PRKN: variants seen among roughly 807,000 people sequenced by gnomAD.
PRKN encodes parkin RBR E3 ubiquitin protein ligase, also known as E3 ubiquitin-protein ligase parkin.
Under a neutral mutation model 59.5 loss-of-function variants are expected in PRKN, and 56 were observed. The observed-to-expected ratio is 0.94, with a 90% CI of 0.76 to 1.18. The LOEUF is 1.18. Ranked by LOEUF, PRKN falls within the 50% of genes most tolerant of loss-of-function variation. The pLI, the probability that PRKN is intolerant of heterozygous loss-of-function variation, is 0.00. For synonymous variants in PRKN, 250 were observed against 222.1 expected (o/e 1.13, Z -1.12); for missense variants, 657 against 596.4 (o/e 1.10, Z -1.06).
intron 2 of PRKN, among the ~76,000 whole-genome samples, chr6:162,398,398 T>G (rs1260708711): frequency 4.6e-5 from 7 of 151,242 alleles, no homozygotes; most frequent in African/African-American, 1.7e-4. Flanking sequence ...TCTTTTTGTT[T>G]TTTTTTTTTG....
chr6:162,555,892 G>A (rs372622972), intron 1 of PRKN, among the ~76,000 whole-genome samples: 3 of 149,316 alleles, frequency 2.0e-5, no homozygotes, highest in African/African-American at 4.9e-5. Context: ...TTGGGAAGGC[G>A]AGGCAGGAGA....
intron 4 of PRKN, among the ~76,000 whole-genome samples, chr6:162,182,181 G>C (rs968966813): frequency 6.6e-6 from 1 of 152,098 alleles, no homozygotes; most frequent in Non-Finnish European, 1.5e-5. Context: ...TATTACTGCT[G>C]TACTAGTCCC....
intron 6 of PRKN, among the ~76,000 whole-genome samples, chr6:161,829,700 C>T (rs1466069129): frequency 2.0e-5 from 3 of 151,956 alleles, no homozygotes; most frequent in East Asian, 1.9e-4. Context: ...CAGGATGCCC[C>T]GGAGAGCAAA....
intron 1 of PRKN, among the ~76,000 whole-genome samples, chr6:162,686,834 G>A (rs1777576626): frequency 1.3e-5 from 2 of 152,028 alleles, no homozygotes; most frequent in African/African-American, 4.8e-5. Flanking sequence ...GTAGATATAT[G>A]GCTTTATTTC....
At chr6:162,287,297 G>A (rs1781236622) in intron 2 of PRKN, among the ~76,000 whole-genome samples, 1 of 152,094 alleles carries the variant, frequency 6.6e-6, no homozygotes, top group South Asian at 2.1e-4. Flanking sequence ...CCAGGCATGG[G>A]GGTTCTCGCC....
intron 7 of PRKN, among the ~76,000 whole-genome samples, chr6:161,682,344 T>C (rs1055733810): frequency 1.3e-5 from 2 of 152,220 alleles, no homozygotes; most frequent in Admixed American, 6.5e-5. Flanking sequence ...AATTTGCTGG[T>C]CAGCCAAGAG....
rs6914068 is a variant in PRKN at position 162,522,958 on chromosome 6, C to T, written c.8-79485G>A. Among the ~76,000 whole-genome samples, 1,065 of 152,296 alleles carry T rather than the reference C, an allele frequency of 7.0e-3. 8 individuals are homozygous for T. Among genetic ancestry groups the T allele is most frequent in the African/African-American group, 0.024 (995 of 41,568 alleles). ...ATAACCCCAATCAACTCTTGCTCCT[C>T]AAATTTTCCTTCCTCTTCTATTTTC... On this transcript the variant is annotated intron_variant, in intron 1 of 11. Coordinates refer to ENST00000366898, the MANE Select transcript of PRKN (RefSeq NM_004562.3).
At chr6:161,556,262 A>G (rs1780234367) in intron 8 of PRKN, among the ~76,000 whole-genome samples, 1 of 152,214 alleles carries the variant, frequency 6.6e-6, no homozygotes, top group African/African-American at 2.4e-5. Flanking sequence ...AGGAAGACAA[A>G]TATTTTAACA....
chr6:162,424,871 T>G (rs574168890), intron 2 of PRKN, among the ~76,000 whole-genome samples: 1 of 152,274 alleles, frequency 6.6e-6, no homozygotes, highest in East Asian at 1.9e-4. Context: ...AATTTTGCTG[T>G]GAACCCAGAA....
intron 5 of PRKN, among the ~76,000 whole-genome samples, chr6:162,023,452 C>T (rs899858418): frequency 5.3e-5 from 8 of 152,076 alleles, no homozygotes; most frequent in Non-Finnish European, 8.8e-5. Context: ...TCCCTGGAGT[C>T]GGGCTGCTTC....
chr6:162,161,562 T>C (rs1252430703), intron 4 of PRKN, among the ~76,000 whole-genome samples: 1 of 152,190 alleles, frequency 6.6e-6, no homozygotes, highest in Non-Finnish European at 1.5e-5. Context: ...CTGCCTATGA[T>C]GGGAATCATC....
chr6:162,369,805 C>T (rs1392915692), intron 2 of PRKN, among the ~76,000 whole-genome samples: 1 of 152,132 alleles, frequency 6.6e-6, no homozygotes, highest in Non-Finnish European at 1.5e-5. Flanking sequence ...CCCTACAAAG[C>T]CCGTCTACAT....
intron 9 of PRKN, among the ~76,000 whole-genome samples, chr6:161,418,265 G>A (rs1787945185): frequency 6.6e-6 from 1 of 152,220 alleles, no homozygotes. Context: ...AAGAAGAACA[G>A]GTGTGTCAAG....
intron 6 of PRKN, among the ~76,000 whole-genome samples, chr6:161,903,472 C>T (rs989139445): frequency 1.2e-4 from 18 of 152,176 alleles, no homozygotes; most frequent in Admixed American, 1.2e-3. Context: ...GTGGGACCTT[C>T]GTTTCTGAGC....
intron 1 of PRKN, among the ~76,000 whole-genome samples, chr6:162,572,860 A>C (rs893931433): frequency 6.8e-6 from 1 of 147,520 alleles, no homozygotes; most frequent in African/African-American, 2.5e-5. Flanking sequence ...GCGTAACCTA[A>C]AAACAAACAA....
intron 1 of PRKN, among the ~76,000 whole-genome samples, chr6:162,610,033 A>T (rs1562432751): frequency 6.6e-6 from 1 of 152,234 alleles, no homozygotes; most frequent in Non-Finnish European, 1.5e-5. Context: ...GTATGTTTTG[A>T]AATCATTTGA....
In PRKN at chr6:162,255,779, C is replaced by T. The variant is rs998560470; in HGVS notation, c.412+6746G>A. ...TCAAGGATTCAAAATCAATGTCTGT[C>T]ACCCTTTTTGACTGCATTTTCTAGC... On this transcript the variant is annotated intron_variant, in intron 3 of 11. Coordinates refer to ENST00000366898, the MANE Select transcript of PRKN (RefSeq NM_004562.3). Among the ~76,000 whole-genome samples the T allele has an allele frequency of 2.2e-4, 34 of 152,296 alleles. 3 individuals carry two copies. The highest frequency in any genetic ancestry group is 2.0e-3 in the Admixed American group (31 of 15,294).
intron 7 of PRKN, among the ~76,000 whole-genome samples, chr6:161,768,084 T>G (rs1391512750): frequency 6.6e-6 from 1 of 152,182 alleles, no homozygotes; most frequent in East Asian, 1.9e-4. Context: ...TAAGTTTTTT[T>G]TTTTTCTGCA....
At chr6:161,988,061 G>A (rs1781499743) in intron 5 of PRKN, among the ~76,000 whole-genome samples, 1 of 152,212 alleles carries the variant, frequency 6.6e-6, no homozygotes, top group African/African-American at 2.4e-5. Context: ...GTTTGTGTGT[G>A]AGGGCAAAAG....
Sources: gnomAD v4.1 joint callset for allele counts (sites outside exome capture counted in the v4.1 genomes callset) on GRCh38, gnomAD v4.1.1 for gene constraint, MANE v1.5 for transcripts, NCBI Gene and HGNC (gene_info 2026-07-23, HGNC 2026-07-21) for gene names.